MALRD1: variants seen among roughly 807,000 people sequenced by gnomAD.
MALRD1 encodes MAM and LDL-receptor class A domain-containing protein 1.
A neutral mutation model predicts 242.1 loss-of-function variants in MALRD1; 247 were observed. The ratio of observed to expected loss-of-function variants is 1.02; its 90% CI spans 0.92 to 1.13. The LOEUF is 1.13. Among genes scored for constraint, MALRD1 ranks in the 50% most tolerant of loss-of-function variants. MALRD1 has a pLI of 0.00. For synonymous variants in MALRD1, 995 were observed against 866.6 expected (o/e 1.15, Z -2.60); for missense variants, 2,989 against 2,533.1 (o/e 1.18, Z -3.86).
chr10:19,073,381 A>G (rs1317613906), intron 2 of MALRD1, among the ~76,000 whole-genome samples: 1 of 152,118 alleles, frequency 6.6e-6, no homozygotes, highest in Non-Finnish European at 1.5e-5. Context: ...AGACATCATG[A>G]TAATGTTGTT....
intron 36 of MALRD1, among the ~76,000 whole-genome samples, chr10:19,623,545 G>C (rs1198084799): frequency 1.3e-5 from 2 of 152,164 alleles, no homozygotes; most frequent in East Asian, 1.9e-4. Flanking sequence ...TTCAATCCCA[G>C]TTTGAAGAAC....
At chr10:19,728,843 A>G (rs1197692419) in intron 38 of MALRD1, among the ~76,000 whole-genome samples, 2 of 152,210 alleles carry the variant, frequency 1.3e-5, no homozygotes, top group African/African-American at 4.8e-5. Flanking sequence ...TAACCATGCT[A>G]TGTACTGAGA....
Position 19,128,332 on chromosome 10 carries a change from A to G in MALRD1, c.1055A>G (p.Gln352Arg). ...TGCCTGGGCAAGAGCTGTCATCTTC[A>G]ATTCTATTATGCAATGGAAAGCAGT... Reference protein sequence around the residue: ...CHCLGKSCHLQFYYAMESSVL... With the variant: ...CHCLGKSCHLRFYYAMESSVL... Residue 352 changes from glutamine (Q) to arginine (R), a missense_variant, in exon 8 of 40, where the codon CAA (glutamine) becomes CGA (arginine). By Grantham distance (43) the Gln-to-Arg change is conservative. Transcript: ENST00000454679. The G allele has an allele frequency of 3.2e-6, 4 of 1,233,458 alleles. No homozygotes were observed. The highest frequency in any genetic ancestry group is 4.0e-6 in the Non-Finnish European group (4 of 987,804). 76.4% of individuals were successfully genotyped at this position (1,233,458 alleles called of 1,614,324 possible). A position where few individuals can be genotyped will look rare whatever the true frequency, so the allele number is the denominator to read the frequency against.
At chr10:19,167,694 G>A (rs957412926) in intron 13 of MALRD1, among the ~76,000 whole-genome samples, 1 of 152,144 alleles carries the variant, frequency 6.6e-6, no homozygotes, top group Non-Finnish European at 1.5e-5. Flanking sequence ...CAGTGTGCAT[G>A]CCTCCTGAGG....
intron 11 of MALRD1, among the ~76,000 whole-genome samples, chr10:19,149,276 C>A (rs965252317): frequency 2.0e-5 from 3 of 152,076 alleles, no homozygotes; most frequent in African/African-American, 7.2e-5. Context: ...CCACCACGCC[C>A]AGCTGGTTTT....
intron 6 of MALRD1, among the ~76,000 whole-genome samples, chr10:19,124,073 T>C (rs1411069854): frequency 6.8e-6 from 1 of 147,904 alleles, no homozygotes; most frequent in Non-Finnish European, 1.5e-5. Flanking sequence ...AAGAATCACC[T>C]GAGCATGGTG....
intron 12 of MALRD1, among the ~76,000 whole-genome samples, chr10:19,160,848 T>C (rs1324641085): frequency 1.5e-5 from 2 of 129,414 alleles, no homozygotes; most frequent in African/African-American, 5.9e-5. Context: ...TTGATTCTTC[T>C]CTCTTTTTTT....
chr10:19,054,929 A>T (rs964084243), intron 1 of MALRD1, among the ~76,000 whole-genome samples: 1 of 152,174 alleles, frequency 6.6e-6, no homozygotes, highest in Non-Finnish European at 1.5e-5. Context: ...ATTGGGATTG[A>T]TGGATCATAT....
chr10:19,666,472 A>G (rs1841690031), intron 36 of MALRD1, among the ~76,000 whole-genome samples: 1 of 152,150 alleles, frequency 6.6e-6, no homozygotes. Flanking sequence ...GTTCTTATTC[A>G]GATTCTCAAA....
intron 18 of MALRD1, among the ~76,000 whole-genome samples, chr10:19,231,342 T>C (rs1023013161): frequency 2.6e-5 from 4 of 152,206 alleles, no homozygotes; most frequent in African/African-American, 9.7e-5. Flanking sequence ...CCCAGTTAAA[T>C]GTTCTCTACA....
chr10:19,255,197 A>C (rs12251479), intron 18 of MALRD1, among the ~76,000 whole-genome samples: 3 of 151,992 alleles, frequency 2.0e-5, no homozygotes, highest in Non-Finnish European at 2.9e-5. Context: ...CAGATAAGGC[A>C]GGTCATTTAA....
intron 31 of MALRD1, among the ~76,000 whole-genome samples, chr10:19,525,669 A>G (rs921303813): frequency 6.6e-6 from 1 of 152,204 alleles, no homozygotes; most frequent in Non-Finnish European, 1.5e-5. Flanking sequence ...AGAACTTATA[A>G]TCATAAACTT....
chr10:19,351,262 C>T (rs1325636319), intron 25 of MALRD1, among the ~76,000 whole-genome samples: 1 of 152,206 alleles, frequency 6.6e-6, no homozygotes, highest in Non-Finnish European at 1.5e-5. Flanking sequence ...ATTCCTACTG[C>T]TCCTAACCTG....
At chr10:19,380,963 G>A (rs1287927264) in intron 26 of MALRD1, among the ~76,000 whole-genome samples, 1 of 150,676 alleles carries the variant, frequency 6.6e-6, no homozygotes, top group Non-Finnish European at 1.5e-5. Flanking sequence ...CAATGTGCAG[G>A]TTAGTTACAT....
chr10:19,347,782 G>A lies in MALRD1; in HGVS notation c.3913G>A (p.Gly1305Arg), dbSNP rs1402662035. 2 of 1,550,244 alleles carry A rather than the reference G, an allele frequency of 1.3e-6. No homozygotes were observed. Among genetic ancestry groups the A allele is most frequent in the African/African-American group, 2.7e-5 (2 of 73,008 alleles). The change falls in exon 25 of 40, where the codon GGG becomes AGG. Residue 1305 changes from glycine (G) to arginine (R), a missense_variant. Gly to Arg is a moderately radical substitution (Grantham distance 125, BLOSUM62 -2). Transcript: ENST00000454679. ...GAAATATTTTCCAGGTACCTCCAGT[G>A]GGCGCTGTGATTTCGAATTTGATCT... ...ETTFICRTSS[G>R]RCDFEFDLCS...
chr10:19,423,694 G>T (rs1057040633), intron 28 of MALRD1, among the ~76,000 whole-genome samples: 2 of 152,008 alleles, frequency 1.3e-5, no homozygotes, highest in African/African-American at 4.8e-5. Context: ...AGAAATTAGG[G>T]GATTGAGTCC....
chr10:19,583,611 C>A (rs1263265139), intron 33 of MALRD1, among the ~76,000 whole-genome samples: 1 of 152,120 alleles, frequency 6.6e-6, no homozygotes, highest in Non-Finnish European at 1.5e-5. Flanking sequence ...CGATGTGCTG[C>A]TGGATTCGGT....
chr10:19,279,934 G>C (rs1840722812), intron 19 of MALRD1, 113 bp from the exon 20 acceptor site: 1 of 824,736 alleles, frequency 1.2e-6, no homozygotes, highest in East Asian at 3.0e-5. Context: ...ACTACCCACT[G>C]TTCTCTATGA....
At chr10:19,440,016 A>G (rs1029366670) in intron 28 of MALRD1, among the ~76,000 whole-genome samples, 2 of 152,112 alleles carry the variant, frequency 1.3e-5, no homozygotes, top group Admixed American at 1.3e-4. Flanking sequence ...CTGCTGCAAA[A>G]CATTTCCTGG....
Sources: allele counts gnomAD v4.1 joint callset (sites outside exome capture counted in the v4.1 genomes callset), GRCh38; gene constraint gnomAD v4.1.1; transcripts MANE v1.5; gene names NCBI Gene and HGNC (gene_info 2026-07-23, HGNC 2026-07-21).